The following CUBN variants were observed in gnomAD, a reference collection of about 807,000 sequenced individuals.
CUBN encodes the protein cubilin, also known as 460 kDa receptor.
CUBN carries 282 observed loss-of-function variants against 405.3 expected under a neutral mutation model. The ratio of observed to expected loss-of-function variants is 0.70; its 90% CI spans 0.63 to 0.77. The LOEUF (loss-of-function observed/expected upper bound fraction) is 0.77. Among genes scored for constraint, CUBN ranks in the 30% least tolerant of loss-of-function variants. The pLI, the probability that CUBN is intolerant of heterozygous loss-of-function variation, is 0.00. For synonymous variants in CUBN, 1,684 were observed against 1,617.0 expected, an observed-to-expected ratio of 1.04 and a Z score of -0.99; for missense variants, 4,514 against 4,475.2, an observed-to-expected ratio of 1.01 and a Z score of -0.25.
At chr10:17,027,970 T>C (rs887567039) in intron 27 of CUBN, among the ~76,000 whole-genome samples, 3 of 152,106 alleles carry the variant, frequency 2.0e-5, no homozygotes, top group South Asian at 2.1e-4. Context: ...CCCCATAATA[T>C]ATACACCTAT....
At chr10:17,084,482 A>G in intron 16 of CUBN, 21 bp from the exon 17 acceptor site, 1 of 1,608,682 alleles carries the variant, frequency 6.2e-7, no homozygotes, top group Non-Finnish European at 8.5e-7. Flanking sequence ...GGAAGAGACG[A>G]ACAGGTCATG....
In CUBN at chr10:16,933,079, G is replaced by A. The variant is rs2271461; in HGVS notation, c.6124+8C>T. On this transcript the variant is annotated splice_region_variant and intron_variant, in intron 40 of 66. Transcript: ENST00000377833. ...GTTGAAACTCAGCATTCTTTATAATGTTCTCACCATCTCGTATCACAAGGC... is the reference window on the plus strand; with the variant it reads ...GTTGAAACTCAGCATTCTTTATAATATTCTCACCATCTCGTATCACAAGGC... 0.2 allele frequency: 324,539 copies of A among 1,611,542 alleles called. 33,656 individuals carry two copies. Among genetic ancestry groups the A allele is most frequent in the East Asian group, 0.3 (13,509 of 44,818 alleles).
At chr10:17,102,550 G>T (rs1836518078) in intron 13 of CUBN, among the ~76,000 whole-genome samples, 1 of 145,830 alleles carries the variant, frequency 6.9e-6, no homozygotes, top group African/African-American at 2.6e-5. Context: ...GCCTCATAAA[G>T]TACTAGGATC....
At position 16,907,585 on chromosome 10, in the gene CUBN, A is replaced by G. The variant is rs771607684; in HGVS notation, c.7628T>C (p.Met2543Thr). ...SNEIKSSGNT[M>T]KVIFFTDGSR... is the part of the protein sequence containing the mutation. Reference sequence around the variant, plus strand: ...TCCATCCGTGAAAAAAATGACTTTCATTGTGTTTCCTGAAGATTTAATCTC... The same window carrying G: ...TCCATCCGTGAAAAAAATGACTTTCGTTGTGTTTCCTGAAGATTTAATCTC... The change falls in exon 49 of 67, where the codon ATG (methionine) becomes ACG (threonine). Residue 2543 changes from methionine to threonine, a missense_variant. Around this residue, in one of 5 missense-constraint regions of CUBN, gnomAD observed 1,613 missense variants for 1,542.8 expected, o/e 1.05. Transcript: ENST00000377833. The G allele has an allele frequency of 6.2e-7, 1 of 1,613,940 alleles. No individual in the cohort carries two copies. The highest frequency in any genetic ancestry group is 1.1e-5 in the South Asian group (1 of 91,066).
intron 60 of CUBN, among the ~76,000 whole-genome samples, chr10:16,844,869 T>C (rs1342336712): frequency 7.5e-6 from 1 of 133,298 alleles, no homozygotes; most frequent in Non-Finnish European, 1.7e-5. Flanking sequence ...AACTGGGATA[T>C]AAATGGTGCC....
intron 28 of CUBN, among the ~76,000 whole-genome samples, chr10:17,018,636 T>G (rs1429372413): frequency 6.6e-6 from 1 of 152,172 alleles, no homozygotes; most frequent in African/African-American, 2.4e-5. Flanking sequence ...CGCTGCTGGC[T>G]AGGGTGGCCA....
chr10:16,887,394 T>C (rs1184757918), intron 56 of CUBN, among the ~76,000 whole-genome samples: 2 of 152,262 alleles, frequency 1.3e-5, no homozygotes, highest in Non-Finnish European at 2.9e-5. Flanking sequence ...AAAAATTGGA[T>C]GAAATTTTAA....
chr10:17,018,369 C>A (rs1167063737), intron 28 of CUBN, among the ~76,000 whole-genome samples: 2 of 151,950 alleles, frequency 1.3e-5, no homozygotes, highest in African/African-American at 2.4e-5. Flanking sequence ...GCTGCGGACC[C>A]TCGTGGTGAG....
chr10:16,829,928 G>GGT (rs1554779186), intron 65 of CUBN, among the ~76,000 whole-genome samples: 4 of 145,256 alleles, frequency 2.8e-5, no homozygotes, highest in Admixed American at 6.8e-5. Context: ...TTCATGGTGG[G>GGT]TTTTTTTTGT....
intron 57 of CUBN, among the ~76,000 whole-genome samples, chr10:16,874,814 T>C (rs1840453560): frequency 6.6e-6 from 1 of 152,090 alleles, no homozygotes; most frequent in Admixed American, 6.6e-5. Flanking sequence ...TCACCATCAC[T>C]TAGCTGTATT....
Position 16,888,549 on chromosome 10 carries a change from T to C in CUBN, c.8773A>G (p.Thr2925Ala), listed in dbSNP as rs557482398. Reference sequence around the variant, plus strand: ...GAAATGATGTAACCTGAAGGGCCAGTGAAATTACTTCCACATCCTATGTGG... The same window carrying C: ...GAAATGATGTAACCTGAAGGGCCAGCGAAATTACTTCCACATCCTATGTGG... ...SFVSRCGSNFTGPSGYIISPN... is the reference protein window; with the variant it reads ...SFVSRCGSNFAGPSGYIISPN... Residue 2925 changes from threonine (T) to alanine (A), a missense_variant, in exon 56 of 67, where the codon ACT becomes GCT. By Grantham distance (58) the Thr-to-Ala change is moderately conservative (BLOSUM62 0). Transcript: ENST00000377833. 9 of 1,613,664 alleles carry C rather than the reference T, an allele frequency of 5.6e-6. No individual in the cohort carries two copies. Among genetic ancestry groups the C allele is most frequent in the African/African-American group, 5.3e-5 (4 of 75,020 alleles).
At chr10:16,965,805 G>C (rs905843027) in intron 31 of CUBN, 2 of 306,864 alleles carry the variant, frequency 6.5e-6, no homozygotes, top group Non-Finnish European at 6.4e-6. Flanking sequence ...ATCTGAACCA[G>C]ACACTGATAG....
chr10:17,016,742 G>T (rs910427078), intron 28 of CUBN, among the ~76,000 whole-genome samples: 18 of 152,156 alleles, frequency 1.2e-4, no homozygotes, highest in African/African-American at 4.3e-4. Context: ...CTGGGTGGGG[G>T]AGATTAGAGG....
Position 17,045,154 on chromosome 10 carries a change from C to A in CUBN, c.3525G>T (p.Thr1175=). 6.2e-7 allele frequency: 1 copy of A among 1,613,802 alleles called. No individual in the cohort carries two copies. Among genetic ancestry groups the A allele is most frequent in the Non-Finnish European group, 8.5e-7 (1 of 1,179,916 alleles). ...CGGNLTTSSG[T]FISPNYPMPY... ...GCATCGGGTAGTTGGGAGATATGAACGTGCCGCTTGAAGTGGTGAGATTAC... is the reference window on the plus strand; with the variant it reads ...GCATCGGGTAGTTGGGAGATATGAAAGTGCCGCTTGAAGTGGTGAGATTAC... The change falls in exon 25 of 67, where the codon ACG becomes ACT. Residue 1175 remains threonine (T), a synonymous_variant. Transcript: ENST00000377833.
At chr10:16,959,509 T>C (rs548346960) in intron 31 of CUBN, among the ~76,000 whole-genome samples, 2 of 151,918 alleles carry the variant, frequency 1.3e-5, no homozygotes, top group East Asian at 3.9e-4. Context: ...ATGCCTGTAA[T>C]CCCAGCTACT....
intron 36 of CUBN, 75 bp from the exon 37 acceptor site, chr10:16,940,312 T>TAGGTTAACCCGTTCACTTTTTTA (rs1842620884): frequency 1.5e-6 from 2 of 1,320,372 alleles, no homozygotes; most frequent in Admixed American, 3.4e-5. Context: ...GATCACATGC[T>TAGGTTAACCCGTTCACTTTTTTA]AGGTTAACCC....
chr10:17,049,771 C>A (rs941343706), intron 22 of CUBN, among the ~76,000 whole-genome samples: 1 of 152,104 alleles, frequency 6.6e-6, no homozygotes, highest in Non-Finnish European at 1.5e-5. Context: ...ACACTCTTAC[C>A]CATCATTTAA....
chr10:16,996,116 C>A (rs1263369306), intron 28 of CUBN, among the ~76,000 whole-genome samples: 1 of 151,600 alleles, frequency 6.6e-6, no homozygotes, highest in East Asian at 1.9e-4. Context: ...ATGCTGCCCT[C>A]ATTACTGTCC....
At chr10:17,114,738 C>T (rs1165050955) in intron 7 of CUBN, among the ~76,000 whole-genome samples, 3 of 152,140 alleles carry the variant, frequency 2.0e-5, no homozygotes, top group Non-Finnish European at 2.9e-5. Context: ...GTCATCAGGA[C>T]GCAGGGCATG....
Sources: gnomAD v4.1 joint callset for allele counts (sites outside exome capture counted in the v4.1 genomes callset) on GRCh38, gnomAD v4.1.1 for gene constraint, gnomAD v4.1.1 regional missense constraint, MANE v1.5 for transcripts, NCBI Gene and HGNC (gene_info 2026-07-23, HGNC 2026-07-21) for gene names.